Variants in ASMT observed in about 807,000 individuals in gnomAD.
ASMT encodes the protein acetylserotonin N-methyltransferase.
In ASMT, 53 loss-of-function variants were observed where a neutral mutation model predicts 41.3. The observed-to-expected ratio is 1.28, with a 90% CI of 1.03 to 1.61. ASMT has a LOEUF of 1.61. Ranked by LOEUF, ASMT falls within the 40% of genes most tolerant of loss-of-function variation. ASMT has a pLI of 0.00. For missense variants in ASMT, 531 were observed against 441.3 expected (o/e 1.20, Z -1.82); for synonymous variants, 231 against 184.8 (o/e 1.25, Z -2.03).
At chrX:1,618,954 G>A (rs1934236274) in intron 1 of ASMT, among the ~76,000 whole-genome samples, 1 of 152,166 alleles carries the variant, frequency 6.6e-6, no homozygotes, top group Non-Finnish European at 1.5e-5. Flanking sequence ...CCATGTCATG[G>A]GAGTTGTCAG....
Position 1,623,304 on chromosome X carries a change from G to A in ASMT, c.235G>A (p.Gly79Arg), listed in dbSNP as rs745643544. The change falls in exon 2 of 9, where the codon GGA becomes AGA. Residue 79 changes from glycine to arginine, a missense_variant. By Grantham distance (125) the Gly-to-Arg change is moderately radical. Transcript: ENST00000381241. The part of the protein sequence containing the change: ...SLKLLKVETR[G>R]GKAFYRNTEL... ...GAAGCTGCTGAAAGTGGAGACGAGGGGAGGAAAAGGTGAGGACACGGGCGT... is the reference window on the plus strand; with the variant it reads ...GAAGCTGCTGAAAGTGGAGACGAGGAGAGGAAAAGGTGAGGACACGGGCGT... 6.2e-7 allele frequency: 1 copy of A among 1,613,808 alleles called. No homozygotes were observed. The highest frequency in any genetic ancestry group is 1.3e-5 in the African/African-American group (1 of 74,918).
At chrX:1,633,782 G>A (rs1422014762) in intron 7 of ASMT, among the ~76,000 whole-genome samples, 1 of 152,042 alleles carries the variant, frequency 6.6e-6, no homozygotes, top group East Asian at 1.9e-4. Context: ...GGGACTACAG[G>A]CACCCACCAC....
intron 3 of ASMT, among the ~76,000 whole-genome samples, chrX:1,626,234 CT>C (rs34658281): frequency 0.49 from 62,609 of 126,860 alleles, 14,653 homozygotes; most frequent in East Asian, 0.73. Context: ...TTTTTATTTC[CT>C]TTTTTTTTTT....
rs1934968434 is a variant in ASMT, at chrX:1,636,474, T to C, written c.824T>C (p.Leu275Pro). The C allele has an allele frequency of 3.1e-6, 5 of 1,613,832 alleles. No homozygotes were observed. The highest frequency in any genetic ancestry group is 3.3e-5 in the Admixed American group (2 of 59,980). Residue 275 changes from leucine (L) to proline (P), a missense_variant, in exon 8 of 9, where the codon CTG becomes CCG. Coordinates refer to ENST00000381241, the MANE Select transcript of ASMT (RefSeq NM_001171038.2). ...AAAGACCCTCTTCCGGAAGCTGATC[T>C]GTACATCCTGGCCAGGGTCCTCCAT... ...FFKDPLPEADLYILARVLHDW... is the reference protein window; with the variant it reads ...FFKDPLPEADPYILARVLHDW...
At chrX:1,626,028 G>A (rs5989835) in intron 3 of ASMT, among the ~76,000 whole-genome samples, 1 of 150,640 alleles carries the variant, frequency 6.6e-6, no homozygotes, top group Admixed American at 6.7e-5. Context: ...TTATTATGTA[G>A]ATGAAATCTC....
chrX:1,627,261 G>C (rs1263611506), intron 3 of ASMT, among the ~76,000 whole-genome samples: 2 of 150,560 alleles, frequency 1.3e-5, no homozygotes, highest in South Asian at 4.2e-4. Context: ...GGGAGGCGGA[G>C]ATTACAGTGA....
chrX:1,634,687 C>T (rs1372773746), intron 7 of ASMT, among the ~76,000 whole-genome samples: 4 of 139,700 alleles, frequency 2.9e-5, no homozygotes, highest in Non-Finnish European at 4.6e-5. Flanking sequence ...TTTTTTGAGA[C>T]GGAGTCTCAC....
intron 6 of ASMT, 154 bp from the exon 7 acceptor site, chrX:1,632,996 A>G (rs1342470521): frequency 3.0e-5 from 7 of 235,654 alleles, no homozygotes; most frequent in Non-Finnish European, 3.8e-5. Context: ...TGTACCCTAG[A>G]ACTTAAAGTA....
chrX:1,641,322 C>T (rs752116865), intron 8 of ASMT, among the ~76,000 whole-genome samples: 3 of 69,004 alleles, frequency 4.3e-5, no homozygotes, highest in African/African-American at 1.0e-4. Flanking sequence ...TCCACCCATC[C>T]TGATGATCCA....
At chrX:1,619,052 A>G (rs1934239249) in intron 1 of ASMT, among the ~76,000 whole-genome samples, 1 of 152,202 alleles carries the variant, frequency 6.6e-6, no homozygotes, top group Non-Finnish European at 1.5e-5. Context: ...CAATTAGCTA[A>G]TGCAGCTTTC....
intron 3 of ASMT, among the ~76,000 whole-genome samples, chrX:1,625,729 C>G (rs753903256): frequency 2.0e-5 from 3 of 151,094 alleles, no homozygotes; most frequent in Admixed American, 6.6e-5. Flanking sequence ...CTGAGGCGGG[C>G]GGATCACGAG....
At chrX:1,615,811 CCAAA>C (rs1467848243) in intron 1 of ASMT, among the ~76,000 whole-genome samples, 275 of 150,968 alleles carry the variant, frequency 1.8e-3, no homozygotes, top group Non-Finnish European at 3.2e-3. Flanking sequence ...CAAAAAAAAA[CCAAA>C]CAAACAACAA....
At chrX:1,620,934 A>T (rs1466754651) in intron 1 of ASMT, among the ~76,000 whole-genome samples, 13 of 151,498 alleles carry the variant, frequency 8.6e-5, no homozygotes, top group Admixed American at 8.6e-4. Flanking sequence ...TACCAAAAAA[A>T]AAATACAAAA....
intron 3 of ASMT, among the ~76,000 whole-genome samples, chrX:1,625,607 AGAAG>A (rs1365097382): frequency 1.3e-5 from 2 of 151,350 alleles, no homozygotes; most frequent in African/African-American, 2.4e-5. Flanking sequence ...AGAAAGAAAG[AGAAG>A]GAAGGAAAGA....
At chrX:1,633,411 A>T in intron 7 of ASMT, 121 bp downstream of exon 7, 1 of 1,139,592 alleles carries the variant, frequency 8.8e-7, no homozygotes, top group Non-Finnish European at 1.3e-6. Flanking sequence ...AAACACCCTC[A>T]ACTCAACACT....
rs1407696801 is a variant in ASMT, at chrX:1,627,552, C to G, written c.375-151C>G. 4.9e-6 allele frequency: 4 copies of G among 819,334 alleles called. No individual in the cohort carries two copies. In the Admixed American group the frequency reaches 7.4e-5, roughly 15 times the overall value. 50.8% of individuals were successfully genotyped at this position (819,334 alleles called of 1,614,324 possible). ...AGGAGAATGGCGTGAACCCAGAAGG[C>G]AGAGGTTGCAGTGAGCCGAGATCGT... On this transcript the variant is annotated intron_variant, in intron 3 of 8. Coordinates refer to ENST00000381241, the MANE Select transcript of ASMT (RefSeq NM_001171038.2).
intron 1 of ASMT, 83 bp from the exon 2 acceptor site, chrX:1,623,056 G>A: frequency 1.4e-6 from 2 of 1,397,830 alleles, no homozygotes; most frequent in Non-Finnish European, 2.0e-6. Flanking sequence ...TTCCTCCCTA[G>A]CCTGCCATGG....
chrX:1,625,084 TTTG>T (rs1934479539), intron 3 of ASMT, among the ~76,000 whole-genome samples: 1 of 149,942 alleles, frequency 6.7e-6, no homozygotes, highest in Non-Finnish European at 1.5e-5. Flanking sequence ...TTTCTTTTTC[TTTG>T]TTTTTTCTTT....
intron 2 of ASMT, among the ~76,000 whole-genome samples, chrX:1,623,621 G>C (rs1934418046): frequency 6.6e-6 from 1 of 152,122 alleles, no homozygotes; most frequent in East Asian, 1.9e-4. Context: ...TGGGGGTCGT[G>C]TGGTTTTTGT....
Sources: allele counts gnomAD v4.1 joint callset (sites outside exome capture counted in the v4.1 genomes callset), GRCh38; gene constraint gnomAD v4.1.1; transcripts MANE v1.5; gene names NCBI Gene and HGNC (gene_info 2026-07-23, HGNC 2026-07-21).